The following RPTOR variants were observed in gnomAD, a reference collection of about 807,000 sequenced individuals.
The protein encoded by RPTOR is regulatory-associated protein of mTOR.
A neutral mutation model predicts 169.9 loss-of-function variants in RPTOR; 21 were observed. The ratio of observed to expected loss-of-function variants is 0.12; its 90% CI spans 0.09 to 0.18. RPTOR has a LOEUF of 0.18. Ranked by LOEUF, RPTOR falls within the 10% of genes least tolerant of loss-of-function variation. The pLI is 1.00. For missense variants in RPTOR, 1,133 were observed against 1,855.9 expected, an observed-to-expected ratio of 0.61 and a Z score of 7.16; for synonymous variants, 732 against 753.2, an observed-to-expected ratio of 0.97 and a Z score of 0.46.
chr17:80,634,381 CATACT>C (rs1445608918), intron 2 of RPTOR, among the ~76,000 whole-genome samples: 13 of 91,214 alleles, frequency 1.4e-4, no homozygotes, highest in African/African-American at 5.1e-4. Context: ...TGTGTGTGTG[CATACT>C]GTGTGCGTGT....
intron 1 of RPTOR, among the ~76,000 whole-genome samples, chr17:80,572,521 C>T (rs1242943564): frequency 6.6e-6 from 1 of 151,798 alleles, no homozygotes; most frequent in Non-Finnish European, 1.5e-5. Flanking sequence ...TAAATACCTC[C>T]CAGCCTGGGC....
At position 80,960,863 on chromosome 17, in the gene RPTOR, G is replaced by C. The variant is rs899577556; in HGVS notation, c.3606-531G>C. On this transcript the variant is annotated intron_variant, in intron 30 of 33. Transcript: ENST00000306801. This position sits in a 1 kb window ranked among gnomAD's most constrained non-coding sequence, Gnocchi z 4.8. ...ACCCCCGTGGGCAGGTGCTGTCCGGGCCTAGCAGGGGACAGTCCGTCTTGG... is the reference window on the plus strand; with the variant it reads ...ACCCCCGTGGGCAGGTGCTGTCCGGCCCTAGCAGGGGACAGTCCGTCTTGG... The C allele has an allele frequency of 3.1e-5, 5 of 163,566 alleles. No individual in the cohort carries two copies. Among genetic ancestry groups the C allele is most frequent in the African/African-American group, 1.2e-4 (5 of 41,860 alleles). 10.1% of individuals were successfully genotyped at this position (163,566 alleles called of 1,614,324 possible).
At chr17:80,700,520 G>GA (rs1567864336) in intron 3 of RPTOR, among the ~76,000 whole-genome samples, 5 of 121,354 alleles carry the variant, frequency 4.1e-5, no homozygotes, top group East Asian at 2.4e-4. Flanking sequence ...GATGGTGATG[G>GA]TGGTGGTGGT....
At position 80,730,756 on chromosome 17, in the gene RPTOR, C is replaced by A; in HGVS notation, c.654+50C>A. 3.1e-6 allele frequency: 4 copies of A among 1,273,896 alleles called. No homozygotes were observed. Among genetic ancestry groups the A allele is most frequent in the Non-Finnish European group, 4.3e-6 (4 of 927,190 alleles). The allele number at this position is 1,273,896 out of a possible 1,614,324, so 78.9% of individuals were successfully genotyped here. On this transcript the variant is annotated intron_variant, in intron 5 of 33. Coordinates refer to ENST00000306801, the MANE Select transcript of RPTOR (RefSeq NM_020761.3). The surrounding 1 kb of genome is among the most constrained non-coding windows in gnomAD (Gnocchi z 4.2). Reference sequence around the variant, plus strand: ...CGGTGCTGGGTTTGGTTTTGTTTTCCCTGGGGGTGGGGTTTGGGTGGGGAG... The same window carrying A: ...CGGTGCTGGGTTTGGTTTTGTTTTCACTGGGGGTGGGGTTTGGGTGGGGAG...
intron 12 of RPTOR, 88 bp downstream of exon 12, chr17:80,855,635 T>C (rs1598355577): frequency 9.5e-7 from 1 of 1,048,616 alleles, no homozygotes; most frequent in Non-Finnish European, 1.5e-6. Flanking sequence ...TATTTCATGA[T>C]CCAGAGCCAC....
At chr17:80,665,257 AG>A (rs2065754664) in intron 3 of RPTOR, among the ~76,000 whole-genome samples, 1 of 151,638 alleles carries the variant, frequency 6.6e-6, no homozygotes, top group Admixed American at 6.6e-5. Context: ...GAGGCATGGG[AG>A]CCCCTCATTA....
At chr17:80,665,352 C>T (rs59808326) in intron 3 of RPTOR, among the ~76,000 whole-genome samples, 52 of 5,308 alleles carry the variant, frequency 9.8e-3, no homozygotes, top group African/African-American at 0.097. Flanking sequence ...CCTTTCCTTT[C>T]CTTTCCTTTC....
rs2069274683 is a variant in RPTOR at position 80,957,942 on chromosome 17, C to T, written c.3477+212C>T. Reference sequence around the variant, plus strand: ...AGGTGAACTGCAACACCCAGCCCTGCGCTGCAGTATGGCTCAGGCTGCGCC... The same window carrying T: ...AGGTGAACTGCAACACCCAGCCCTGTGCTGCAGTATGGCTCAGGCTGCGCC... On this transcript the variant is annotated intron_variant, in intron 29 of 33. Coordinates refer to ENST00000306801, the MANE Select transcript of RPTOR (RefSeq NM_020761.3). This position sits in a 1 kb window ranked among gnomAD's most constrained non-coding sequence, Gnocchi z 4.6. 6.6e-6 allele frequency among the ~76,000 whole-genome samples: 1 copy of T among 152,200 alleles called. No homozygotes were observed. Among genetic ancestry groups the T allele is most frequent in the Non-Finnish European group, 1.5e-5 (1 of 68,038 alleles).
intron 6 of RPTOR, among the ~76,000 whole-genome samples, chr17:80,790,200 GC>G (rs891030503): frequency 1.3e-5 from 2 of 152,246 alleles, no homozygotes; most frequent in Admixed American, 1.3e-4. Flanking sequence ...GGCACTTGAT[GC>G]CGTGGGAAAG....
At chr17:80,840,894 A>T (rs368530393) in intron 10 of RPTOR, among the ~76,000 whole-genome samples, 2,514 of 17,930 alleles carry the variant, frequency 0.14, 4 homozygotes, top group Middle Eastern at 0.17. Flanking sequence ...GGCAGCTCAC[A>T]CTCACCACAC....
At chr17:80,900,419 C>A (rs2068461352) in intron 20 of RPTOR, among the ~76,000 whole-genome samples, 1 of 152,104 alleles carries the variant, frequency 6.6e-6, no homozygotes, top group South Asian at 2.1e-4. Flanking sequence ...CGGGTTCAAG[C>A]AATTCTCCTG....
At chr17:80,791,343 G>A in intron 6 of RPTOR, 107 bp from the exon 7 acceptor site, 1 of 845,712 alleles carries the variant, frequency 1.2e-6, no homozygotes, top group Non-Finnish European at 1.9e-6. Flanking sequence ...TGTTCACCGT[G>A]GTAGTCCCTG....
At position 80,658,988 on chromosome 17, in the gene RPTOR, G is replaced by A. The variant is rs555380843; in HGVS notation, c.348+15178G>A. Among the ~76,000 whole-genome samples, 142 of 152,310 alleles carry A rather than the reference G, an allele frequency of 9.3e-4. 4 individuals are homozygous for A. In the South Asian group the frequency reaches 0.028, roughly 30 times the overall value. On this transcript the variant is annotated intron_variant, in intron 3 of 33. Coordinates refer to ENST00000306801, the MANE Select transcript of RPTOR (RefSeq NM_020761.3). The stretch of plus-strand genomic sequence containing the variant: ...TGCCATCAGTCTGACTGCTGCTGAT[G>A]GCCTGGACTCAGCTGTTGCTGTCAG...
chr17:80,588,860 A>G (rs976358333), intron 1 of RPTOR, among the ~76,000 whole-genome samples: 2 of 152,162 alleles, frequency 1.3e-5, no homozygotes, highest in African/African-American at 4.8e-5. Context: ...CTGTGATGCA[A>G]TATTTCAGTC....
intron 10 of RPTOR, among the ~76,000 whole-genome samples, chr17:80,839,327 G>A (rs2067601482): frequency 6.6e-6 from 1 of 151,982 alleles, no homozygotes; most frequent in Admixed American, 6.6e-5. Flanking sequence ...GATTTTTTTG[G>A]TAACATTTGA....
chr17:80,874,679 C>T (rs1038440479), intron 13 of RPTOR, among the ~76,000 whole-genome samples: 5 of 152,092 alleles, frequency 3.3e-5, no homozygotes, highest in East Asian at 1.9e-4. Flanking sequence ...ATCCCTGCTT[C>T]GGTATCATTT....
At chr17:80,667,677 C>T (rs567043911) in intron 3 of RPTOR, among the ~76,000 whole-genome samples, 5 of 152,236 alleles carry the variant, frequency 3.3e-5, no homozygotes, top group South Asian at 4.1e-4. Flanking sequence ...TGTTGACACA[C>T]GGGAGAGAAT....
chr17:80,586,818 A>G (rs1439150378), intron 1 of RPTOR, among the ~76,000 whole-genome samples: 1 of 152,174 alleles, frequency 6.6e-6, no homozygotes, highest in Non-Finnish European at 1.5e-5. Context: ...TTTTTCCTCT[A>G]CTAACCTGAT....
At chr17:80,925,231 C>T (rs996608451) in intron 23 of RPTOR, 139 bp from the exon 24 acceptor site, 44 of 670,382 alleles carry the variant, frequency 6.6e-5, no homozygotes, top group Admixed American at 2.5e-5. Context: ...GTGAGCAGAG[C>T]ACAGAAGTGC....
Sources: gnomAD v4.1 joint callset for allele counts (sites outside exome capture counted in the v4.1 genomes callset) on GRCh38, gnomAD v4.1.1 for gene constraint, Gnocchi (gnomAD v3.1) non-coding constraint, MANE v1.5 for transcripts, NCBI Gene and HGNC (gene_info 2026-07-23, HGNC 2026-07-21) for gene names.